Variants in CHN2 observed in about 807,000 individuals in gnomAD.
CHN2 encodes the protein beta-chimaerin.
CHN2 carries 35 observed loss-of-function variants against 56.3 expected under a neutral mutation model. The ratio of observed to expected loss-of-function variants is 0.62; its 90% CI spans 0.47 to 0.82. The LOEUF (loss-of-function observed/expected upper bound fraction) is 0.82. Among genes scored for constraint, CHN2 ranks in the 40% least tolerant of loss-of-function variants. CHN2 has a pLI of 0.00. For missense variants in CHN2, 491 were observed against 580.5 expected (o/e 0.85, Z 1.58); for synonymous variants, 210 against 212.8 (o/e 0.99, Z 0.12).
chr7:29,290,347 T>C lies in CHN2; in HGVS notation c.50-64278T>C, dbSNP rs1184499465. On this transcript the variant is annotated intron_variant, in intron 1 of 12. Transcript: ENST00000222792. ...CCCACCTGAAGCTTGTGTTTATCGCTCTGTTCCTTGTGGTTCTGTGGATAG... is the reference window on the plus strand; with the variant it reads ...CCCACCTGAAGCTTGTGTTTATCGCCCTGTTCCTTGTGGTTCTGTGGATAG... Among the ~76,000 whole-genome samples the C allele has an allele frequency of 2.6e-5, 4 of 152,362 alleles. No individual in the cohort carries two copies. The East Asian group carries it at 7.7e-4, about 29-fold the overall frequency.
chr7:29,165,642 GCATT>G (rs1795812236), intron 2 of CHN2, among the ~76,000 whole-genome samples: 1 of 152,172 alleles, frequency 6.6e-6, no homozygotes, highest in African/African-American at 2.4e-5. Context: ...TAAATGAAAA[GCATT>G]CAGTCTTTCA....
chr7:29,150,307 G>A (rs1348791429), intron 2 of CHN2, among the ~76,000 whole-genome samples: 2 of 152,152 alleles, frequency 1.3e-5, no homozygotes, highest in South Asian at 4.1e-4. Context: ...TTATCAAGAG[G>A]AAGAAATAAG....
At chr7:29,484,541 A>G (rs1289379174) in intron 7 of CHN2, among the ~76,000 whole-genome samples, 1 of 152,180 alleles carries the variant, frequency 6.6e-6, no homozygotes, top group Non-Finnish European at 1.5e-5. Context: ...CTCTGCCTCC[A>G]TCTTCATATA....
chr7:29,302,094 T>C lies in CHN2; in HGVS notation c.50-52531T>C, dbSNP rs2128878409. On this transcript the variant is annotated intron_variant, in intron 1 of 12. Coordinates refer to ENST00000222792, the MANE Select transcript of CHN2 (RefSeq NM_004067.4). ...ATTCCAAGGATAAGGACCCTCAGCC[T>C]TTTGCATTGACCCGTGGCTGTCTCT... 1.3e-5 allele frequency among the ~76,000 whole-genome samples: 2 copies of C among 152,334 alleles called. 1 individual carries two copies. Among genetic ancestry groups the C allele is most frequent in the Middle Eastern group, 6.8e-3 (2 of 294 alleles).
intron 1 of CHN2, chr7:29,292,758 C>T (rs1792738326): frequency 2.7e-6 from 1 of 368,098 alleles, no homozygotes; most frequent in Non-Finnish European, 5.5e-6. Context: ...AGTAAAACAC[C>T]CTGCATTTCA....
At chr7:29,461,967 T>C (rs545341462) in intron 6 of CHN2, among the ~76,000 whole-genome samples, 8 of 152,346 alleles carry the variant, frequency 5.3e-5, no homozygotes, top group African/African-American at 1.9e-4. Context: ...AATACCTTTT[T>C]TGTCATATAC....
Position 29,471,012 on chromosome 7 carries a change from C to G in CHN2, c.577-9267C>G, listed in dbSNP as rs1373539959. ...ATAGTAGCTGGGAACTTCGTAATAGCTGCTTCTCCCTTAGGTTTTACACTA... is the reference window on the plus strand; with the variant it reads ...ATAGTAGCTGGGAACTTCGTAATAGGTGCTTCTCCCTTAGGTTTTACACTA... On this transcript the variant is annotated intron_variant, in intron 6 of 12. Coordinates refer to ENST00000222792, the MANE Select transcript of CHN2 (RefSeq NM_004067.4). 2.0e-5 allele frequency among the ~76,000 whole-genome samples: 3 copies of G among 152,322 alleles called. No individual in the cohort carries two copies. The East Asian group carries it at 5.8e-4, about 29-fold the overall frequency.
At chr7:29,485,313 AAAATT>A (rs1330579358) in intron 7 of CHN2, among the ~76,000 whole-genome samples, 1 of 152,134 alleles carries the variant, frequency 6.6e-6, no homozygotes, top group Admixed American at 6.5e-5. Flanking sequence ...GTTAAAAAAA[AAAATT>A]GAGACTTTCA....
intron 6 of CHN2, chr7:29,479,723 T>G: frequency 2.7e-6 from 3 of 1,091,596 alleles, no homozygotes; most frequent in Non-Finnish European, 3.4e-6. Flanking sequence ...TGTGTTTGAG[T>G]GTGAAATGTG....
intron 2 of CHN2, among the ~76,000 whole-genome samples, chr7:29,180,126 G>T (rs1797872563): frequency 6.6e-6 from 1 of 152,128 alleles, no homozygotes; most frequent in Non-Finnish European, 1.5e-5. Flanking sequence ...AAGTCAATCT[G>T]TTCCCCAATA....
At chr7:29,167,659 A>G (rs1455643886) in intron 2 of CHN2, among the ~76,000 whole-genome samples, 1 of 152,196 alleles carries the variant, frequency 6.6e-6, no homozygotes, top group Admixed American at 6.5e-5. Flanking sequence ...ATTGCTCTAC[A>G]TCTTCACCAA....
rs533495724 is a variant in CHN2 at position 29,195,382 on chromosome 7, C to A, written c.49+392C>A. The A allele has an allele frequency of 8.2e-5, 18 of 220,546 alleles. No individual in the cohort carries two copies. The East Asian group carries it at 2.0e-3, about 24-fold the overall frequency. 13.7% of individuals were successfully genotyped at this position (220,546 alleles called of 1,614,324 possible). On this transcript the variant is annotated intron_variant, in intron 1 of 12. Coordinates refer to ENST00000222792, the MANE Select transcript of CHN2 (RefSeq NM_004067.4). ...CCTGTTTGCCGTGCCGCGCCCGCTA[C>A]CCTGGACACCCAAATCCGGAGCAGA...
intron 1 of CHN2, among the ~76,000 whole-genome samples, chr7:29,313,995 A>G (rs183038426): frequency 1.6e-4 from 25 of 152,262 alleles, no homozygotes; most frequent in African/African-American, 4.8e-4. Flanking sequence ...GCTTGCCAGT[A>G]TATACACTAA....
At chr7:29,292,426 C>T (rs1397670475) in intron 1 of CHN2, among the ~76,000 whole-genome samples, 1 of 152,230 alleles carries the variant, frequency 6.6e-6, no homozygotes, top group Non-Finnish European at 1.5e-5. Context: ...TAATATTTTA[C>T]AATCTATTCT....
chr7:29,261,869 C>T (rs1271212475), intron 1 of CHN2, among the ~76,000 whole-genome samples: 7 of 152,144 alleles, frequency 4.6e-5, no homozygotes, highest in African/African-American at 1.7e-4. Context: ...TTTTAAAGAG[C>T]AATAAAGTAA....
At chr7:29,347,996 C>CT (rs1181259041) in intron 1 of CHN2, among the ~76,000 whole-genome samples, 5 of 151,972 alleles carry the variant, frequency 3.3e-5, no homozygotes, top group Non-Finnish European at 5.9e-5. Context: ...CTTAATGGTG[C>CT]TTTTTTTTCC....
At chr7:29,419,621 C>T (rs1378227828) in intron 6 of CHN2, among the ~76,000 whole-genome samples, 2 of 151,720 alleles carry the variant, frequency 1.3e-5, no homozygotes, top group Non-Finnish European at 2.9e-5. Context: ...TTTTTAAAAA[C>T]TCCTACAACT....
chr7:29,200,878 G>A (rs1380721373), intron 1 of CHN2: 1 of 152,188 alleles, frequency 6.6e-6, no homozygotes, highest in African/African-American at 2.4e-5. Flanking sequence ...GCCTGAAGCT[G>A]AAGAATTGGG....
chr7:29,313,158 T>C (rs1367649190), intron 1 of CHN2, among the ~76,000 whole-genome samples: 1 of 152,210 alleles, frequency 6.6e-6, no homozygotes, highest in Non-Finnish European at 1.5e-5. Context: ...ATTTCCAGCC[T>C]CACTGAACCA....
Sources: allele counts gnomAD v4.1 joint callset (sites outside exome capture counted in the v4.1 genomes callset), GRCh38; gene constraint gnomAD v4.1.1; transcripts MANE v1.5; gene names NCBI Gene and HGNC (gene_info 2026-07-23, HGNC 2026-07-21).